Variants in BBS9 observed in about 807,000 individuals in gnomAD.
The protein encoded by BBS9 is Bardet-Biedl syndrome 9, also known as protein PTHB1.
Under a neutral mutation model 117.7 loss-of-function variants are expected in BBS9, and 89 were observed. That is an observed-to-expected ratio of 0.76 (90% CI 0.64 to 0.90). The LOEUF is 0.90. Ranked by LOEUF, BBS9 falls within the 40% of genes least tolerant of loss-of-function variation. The pLI is 0.00. For missense variants in BBS9, 982 were observed against 1,042.2 expected, an observed-to-expected ratio of 0.94 and a Z score of 0.80; for synonymous variants, 379 against 370.9, an observed-to-expected ratio of 1.02 and a Z score of -0.25.
Position 33,459,451 on chromosome 7 carries a change from CAAGTAT to C in BBS9, c.2116-46011_2116-46006del, listed in dbSNP as rs1563204734. 7.0e-3 allele frequency among the ~76,000 whole-genome samples: 1,066 copies of C among 152,064 alleles called. 15 individuals carry two copies. Among genetic ancestry groups the C allele is most frequent in the African/African-American group, 0.025 (1,025 of 41,474 alleles). ...AGGGCAGAGCAGCCCTCACAGCAAA[CAAGTAT>C]CCAGCCCAAAATGTCCACAGGGCTG... On this transcript the variant is annotated intron_variant, in intron 19 of 22. Transcript: ENST00000242067.
At chr7:33,500,853 G>T (rs1845351216) in intron 19 of BBS9, among the ~76,000 whole-genome samples, 1 of 152,144 alleles carries the variant, frequency 6.6e-6, no homozygotes, top group African/African-American at 2.4e-5. Context: ...TGAGTTGAGC[G>T]TTTTCCTGCA....
intron 21 of BBS9, among the ~76,000 whole-genome samples, chr7:33,600,442 G>A (rs771406927): frequency 1.3e-5 from 2 of 151,784 alleles, no homozygotes; most frequent in African/African-American, 4.8e-5. Context: ...ATAGAGAGCC[G>A]GGTTACAGTG....
intron 17 of BBS9, among the ~76,000 whole-genome samples, chr7:33,370,618 G>A (rs1002560790): frequency 2.0e-5 from 3 of 152,148 alleles, no homozygotes; most frequent in Admixed American, 6.5e-5. Flanking sequence ...ATATTTCTGC[G>A]TGGATGTCTA....
chr7:33,305,137 TAAA>T (rs75957203), intron 9 of BBS9, among the ~76,000 whole-genome samples: 48 of 139,174 alleles, frequency 3.4e-4, no homozygotes, highest in Admixed American at 3.5e-4. Flanking sequence ...CAATAAATAT[TAAA>T]AAAAAAAAAA....
At chr7:33,470,909 G>T (rs1221665431) in intron 19 of BBS9, among the ~76,000 whole-genome samples, 3 of 152,068 alleles carry the variant, frequency 2.0e-5, no homozygotes, top group African/African-American at 7.2e-5. Context: ...CAAAAGATGG[G>T]AGGGATAGAA....
At chr7:33,301,542 A>G (rs994812730) in intron 9 of BBS9, among the ~76,000 whole-genome samples, 2 of 152,160 alleles carry the variant, frequency 1.3e-5, no homozygotes, top group African/African-American at 2.4e-5. Context: ...TGCCTGGCTT[A>G]TTTCACTTAA....
At chr7:33,352,737 ATC>A (rs1818898848) in intron 14 of BBS9, 120 bp from the exon 15 acceptor site, 4 of 1,138,610 alleles carry the variant, frequency 3.5e-6, no homozygotes, top group Non-Finnish European at 5.3e-6. Flanking sequence ...ATCTGTGAGA[ATC>A]TTGAAATTTT....
intron 19 of BBS9, among the ~76,000 whole-genome samples, chr7:33,470,423 G>C (rs951826152): frequency 5.3e-5 from 8 of 151,654 alleles, no homozygotes; most frequent in African/African-American, 4.8e-5. Flanking sequence ...TTGCTATTCA[G>C]CTTCTCTCCC....
intron 19 of BBS9, among the ~76,000 whole-genome samples, chr7:33,452,088 C>T (rs1837964299): frequency 6.6e-6 from 1 of 152,180 alleles, no homozygotes; most frequent in Non-Finnish European, 1.5e-5. Context: ...CCTGCCTCAG[C>T]CTCCCCAAGT....
chr7:33,295,112 AC>A (rs1222884943), intron 9 of BBS9, among the ~76,000 whole-genome samples: 1 of 152,176 alleles, frequency 6.6e-6, no homozygotes, highest in African/African-American at 2.4e-5. Context: ...CAGAGACATT[AC>A]ATAATTTTAC....
chr7:33,241,700 T>A (rs1453754775), intron 5 of BBS9, among the ~76,000 whole-genome samples: 1 of 152,124 alleles, frequency 6.6e-6, no homozygotes, highest in African/African-American at 2.4e-5. Context: ...TTACAAATTC[T>A]TATTAAAACT....
chr7:33,209,752 T>C (rs959577805), intron 5 of BBS9, among the ~76,000 whole-genome samples: 5 of 152,146 alleles, frequency 3.3e-5, no homozygotes, highest in African/African-American at 1.2e-4. Context: ...TCCTTTTTCC[T>C]CTCTGATTTT....
chr7:33,431,979 A>G (rs1451994824), intron 19 of BBS9, among the ~76,000 whole-genome samples: 1 of 152,130 alleles, frequency 6.6e-6, no homozygotes, highest in Non-Finnish European at 1.5e-5. Flanking sequence ...AAAGTCCCTT[A>G]TATTTGTCCT....
intron 5 of BBS9, among the ~76,000 whole-genome samples, chr7:33,228,783 T>G (rs1031181530): frequency 6.6e-6 from 1 of 152,162 alleles, no homozygotes; most frequent in Non-Finnish European, 1.5e-5. Context: ...CTTTGTCATC[T>G]TCACGTTGAA....
intron 10 of BBS9, among the ~76,000 whole-genome samples, chr7:33,338,700 G>C (rs967955729): frequency 6.6e-6 from 1 of 152,178 alleles, no homozygotes; most frequent in African/African-American, 2.4e-5. Context: ...AATAATTTCT[G>C]TATGGCTCAT....
intron 21 of BBS9, among the ~76,000 whole-genome samples, chr7:33,579,980 A>T (rs768139432): frequency 7.1e-4 from 108 of 152,248 alleles, no homozygotes; most frequent in Non-Finnish European, 2.8e-4. Context: ...AGTTTTATTT[A>T]ATTATTAGCT....
chr7:33,285,687 A>G (rs1378939546), intron 9 of BBS9, among the ~76,000 whole-genome samples: 1 of 152,180 alleles, frequency 6.6e-6, no homozygotes, highest in African/African-American at 2.4e-5. Flanking sequence ...CTAAACCATT[A>G]TTGAGGTATG....
chr7:33,159,294 A>G lies in BBS9; in HGVS notation c.328+3592A>G, dbSNP rs762152390. ...ATGTGCTTATTTCATCTCAAAACCC[A>G]CTGAGAAATAGCAGAACAGTGGATT... On this transcript the variant is annotated intron_variant, in intron 4 of 22. Coordinates refer to ENST00000242067, the MANE Select transcript of BBS9 (RefSeq NM_198428.3). Among the ~76,000 whole-genome samples the G allele has an allele frequency of 3.2e-4, 49 of 152,272 alleles. 1 individual carries two copies. The highest frequency in any genetic ancestry group is 3.4e-3 in the Middle Eastern group (1 of 294).
rs544113975 is a variant in BBS9 at position 33,162,465 on chromosome 7, A to G, written c.328+6763A>G. On this transcript the variant is annotated intron_variant, in intron 4 of 22. Transcript: ENST00000242067. ...GTATGGATTCTTCCTATCCATGAGC[A>G]TGGAATGTTCTTCCATTTGTTTGTG... Among the ~76,000 whole-genome samples the G allele has an allele frequency of 1.9e-3, 284 of 152,254 alleles. 1 individual carries two copies. Among genetic ancestry groups the G allele is most frequent in the African/African-American group, 6.1e-3 (254 of 41,526 alleles).
Sources: gnomAD v4.1 joint callset for allele counts (sites outside exome capture counted in the v4.1 genomes callset) on GRCh38, gnomAD v4.1.1 for gene constraint, MANE v1.5 for transcripts, NCBI Gene and HGNC (gene_info 2026-07-23, HGNC 2026-07-21) for gene names.